Variants in TNS3 observed in about 807,000 individuals in gnomAD.
TNS3 encodes the protein tensin-3.
Under a neutral mutation model 140.9 loss-of-function variants are expected in TNS3, and 45 were observed. That is an observed-to-expected ratio of 0.32 (90% CI 0.25 to 0.41). The LOEUF is 0.41. Among genes scored for constraint, TNS3 ranks in the 10% least tolerant of loss-of-function variants. The pLI, the probability that TNS3 is intolerant of heterozygous loss-of-function variation, is 1.00. For missense variants in TNS3, 1,716 were observed against 1,906.7 expected, an observed-to-expected ratio of 0.90 and a Z score of 1.86; for synonymous variants, 815 against 788.4, an observed-to-expected ratio of 1.03 and a Z score of -0.56.
chr7:47,352,869 C>A (rs1366705351), intron 17 of TNS3, among the ~76,000 whole-genome samples: 5 of 152,180 alleles, frequency 3.3e-5, no homozygotes, highest in Non-Finnish European at 7.3e-5. Context: ...ACACAGAGCC[C>A]ACAGCCCATG....
At chr7:47,509,119 A>C (rs1210344886) in intron 2 of TNS3, among the ~76,000 whole-genome samples, 1 of 152,246 alleles carries the variant, frequency 6.6e-6, no homozygotes, top group African/African-American at 2.4e-5. Context: ...CAACACAAAA[A>C]AATGGCCCTG....
rs576398166 is a variant in TNS3, at chr7:47,298,275, A to G, written c.3545-1062T>C. ...CCAGCCTGGATGGGGCTGAGGACAC[A>G]TTCCCCATGTGCCCGCCAACCCAGG... On this transcript the variant is annotated intron_variant, in intron 23 of 30. Coordinates refer to ENST00000311160, the MANE Select transcript of TNS3 (RefSeq NM_022748.12). Among the ~76,000 whole-genome samples, 40 of 152,322 alleles carry G rather than the reference A, an allele frequency of 2.6e-4. No individual in the cohort carries two copies. The South Asian group carries it at 6.0e-3, about 23-fold the overall frequency.
Position 47,303,385 on chromosome 7 carries a change from G to A in TNS3, c.3022C>T (p.Pro1008Ser). 7 of 1,613,826 alleles carry A rather than the reference G, an allele frequency of 4.3e-6. No individual in the cohort carries two copies. The highest frequency in any genetic ancestry group is 5.9e-6 in the Non-Finnish European group (7 of 1,180,002). The stretch of plus-strand genomic sequence containing the variant: ...CTGCTGGGAGGCGCCAGGGAGTCCG[G>A]TGGCTCTGCTAGGGACAGCTCATGG... ...HSHELSLAEP[P>S]DSLAPPSSQA... The change falls in exon 22 of 31, where the codon CCG (proline) becomes TCG (serine). Residue 1008 changes from proline (P) to serine (S), a missense_variant. Coordinates refer to ENST00000311160, the MANE Select transcript of TNS3 (RefSeq NM_022748.12).
intron 1 of TNS3, among the ~76,000 whole-genome samples, chr7:47,571,862 T>C (rs1215837164): frequency 2.0e-5 from 3 of 152,236 alleles, no homozygotes; most frequent in Non-Finnish European, 4.4e-5. Flanking sequence ...ACAGCTGTGC[T>C]TGCCCCGTGC....
At chr7:47,485,234 GTCAA>G (rs1446332752) in intron 3 of TNS3, among the ~76,000 whole-genome samples, 4 of 152,246 alleles carry the variant, frequency 2.6e-5, no homozygotes, top group Non-Finnish European at 5.9e-5. Context: ...CGTTCCCTGT[GTCAA>G]GGCACACTCC....
At chr7:47,556,482 G>A (rs551980739) in intron 1 of TNS3, among the ~76,000 whole-genome samples, 1 of 152,170 alleles carries the variant, frequency 6.6e-6, no homozygotes. Context: ...GCCTGAGTCT[G>A]GGCATCTGAA....
intron 1 of TNS3, among the ~76,000 whole-genome samples, chr7:47,538,133 C>T (rs1799672271): frequency 6.6e-6 from 1 of 152,092 alleles, no homozygotes; most frequent in South Asian, 2.1e-4. Context: ...AAGCCAGGAT[C>T]CTGAAGAAAG....
chr7:47,448,525 G>A (rs1388900294), intron 4 of TNS3, among the ~76,000 whole-genome samples: 27 of 145,264 alleles, frequency 1.9e-4, no homozygotes, highest in African/African-American at 7.2e-4. Context: ...TGCCACCCAG[G>A]CTGGAATGGA....
Position 47,302,176 on chromosome 7 carries a change from C to T in TNS3, c.3544+10G>A. 6.2e-7 allele frequency: 1 copy of T among 1,612,980 alleles called. No individual in the cohort carries two copies. Among genetic ancestry groups the T allele is most frequent in the South Asian group, 1.1e-5 (1 of 91,056 alleles). ...AGATGCCCAAGGAGGCCCTCATCCT[C>T]CCCACATACCTTGTTCTCTTGAAAT... On this transcript the variant is annotated intron_variant, in intron 23 of 30. Transcript: ENST00000311160.
rs539539031 is a variant in TNS3, at chr7:47,453,177, G to A, written c.-75-11122C>T. 231 of 985,626 alleles carry A rather than the reference G, an allele frequency of 2.3e-4. 1 individual carries two copies. Among genetic ancestry groups the A allele is most frequent in the Admixed American group, 3.1e-4 (5 of 16,292 alleles). 61.1% of individuals were successfully genotyped at this position (985,626 alleles called of 1,614,324 possible). ...GCAGGTGTGCCCGGCCCCACGGTGA[G>A]CACGCAGGCATGGAGCTCACAGGAC... On this transcript the variant is annotated intron_variant, in intron 4 of 30. Coordinates refer to ENST00000311160, the MANE Select transcript of TNS3 (RefSeq NM_022748.12).
At chr7:47,380,141 G>C (rs1791661415) in intron 16 of TNS3, among the ~76,000 whole-genome samples, 1 of 152,250 alleles carries the variant, frequency 6.6e-6, no homozygotes, top group Admixed American at 6.5e-5. Flanking sequence ...TGTGCTCCGA[G>C]TGGGGCTGTG....
chr7:47,468,964 G>T (rs1796835034), intron 4 of TNS3, among the ~76,000 whole-genome samples: 1 of 152,022 alleles, frequency 6.6e-6, no homozygotes, highest in African/African-American at 2.4e-5. Context: ...TCTTCAACAA[G>T]GTCAACAAAA....
intron 10 of TNS3, among the ~76,000 whole-genome samples, chr7:47,419,710 A>G (rs1180136168): frequency 6.6e-6 from 1 of 152,174 alleles, no homozygotes; most frequent in Non-Finnish European, 1.5e-5. Flanking sequence ...AGAACCTAAG[A>G]TTGGCCTTTT....
chr7:47,351,506 G>C (rs1789669473), intron 17 of TNS3, among the ~76,000 whole-genome samples: 1 of 152,122 alleles, frequency 6.6e-6, no homozygotes, highest in South Asian at 2.1e-4. Flanking sequence ...CCCACTAGCT[G>C]TCTTCTTCAG....
chr7:47,520,793 G>A (rs1798945369), intron 2 of TNS3, among the ~76,000 whole-genome samples: 1 of 152,212 alleles, frequency 6.6e-6, no homozygotes, highest in African/African-American at 2.4e-5. Context: ...CTCTCTGGAT[G>A]GGGCAAGTCT....
chr7:47,396,381 C>T (rs1460366889), intron 16 of TNS3, among the ~76,000 whole-genome samples: 1 of 152,218 alleles, frequency 6.6e-6, no homozygotes. Context: ...AACAAGCAAA[C>T]AGAAATTAAA....
intron 1 of TNS3, among the ~76,000 whole-genome samples, chr7:47,556,603 C>T (rs115122467): frequency 0.012 from 1,821 of 152,322 alleles, 34 homozygotes; most frequent in African/African-American, 0.042. Flanking sequence ...TTTCCCTAAG[C>T]CCATAATTGT....
chr7:47,433,282 T>C (rs1328800238), intron 8 of TNS3, among the ~76,000 whole-genome samples: 1 of 152,236 alleles, frequency 6.6e-6, no homozygotes, highest in African/African-American at 2.4e-5. Context: ...TGAACTTCTG[T>C]TAACATCGAC....
intron 4 of TNS3, among the ~76,000 whole-genome samples, chr7:47,461,767 C>CA (rs1796501446): frequency 6.6e-6 from 1 of 152,140 alleles, no homozygotes; most frequent in Admixed American, 6.5e-5. Context: ...GAAATGTGAG[C>CA]AAAAAAGGAT....
Sources: allele counts gnomAD v4.1 joint callset (sites outside exome capture counted in the v4.1 genomes callset), GRCh38; gene constraint gnomAD v4.1.1; transcripts MANE v1.5; gene names NCBI Gene and HGNC (gene_info 2026-07-23, HGNC 2026-07-21).